DOCK5: variants seen among roughly 807,000 people sequenced by gnomAD.
DOCK5 encodes dedicator of cytokinesis 5.
In DOCK5, 142 loss-of-function variants were observed where a neutral mutation model predicts 251.8. The observed-to-expected ratio is 0.56, with a 90% CI of 0.49 to 0.65. DOCK5 has a LOEUF of 0.65. Ranked by LOEUF, DOCK5 falls within the 30% of genes least tolerant of loss-of-function variation. The pLI, the probability that DOCK5 is intolerant of heterozygous loss-of-function variation, is 0.00. For synonymous variants in DOCK5, 842 were observed against 835.5 expected (o/e 1.01, Z -0.13); for missense variants, 2,111 against 2,312.3 (o/e 0.91, Z 1.79).
chr8:25,290,378 CTG>C (rs957671196), intron 5 of DOCK5, among the ~76,000 whole-genome samples: 26 of 152,138 alleles, frequency 1.7e-4, no homozygotes, highest in African/African-American at 5.3e-4. Flanking sequence ...TTGCATTGGG[CTG>C]CATTCAAAGC....
chr8:25,348,126 T>C (rs183055318), intron 26 of DOCK5, among the ~76,000 whole-genome samples: 3 of 152,236 alleles, frequency 2.0e-5, no homozygotes, highest in Admixed American at 6.5e-5. Flanking sequence ...ACTAGTTCAA[T>C]ATCTCTTCTC....
chr8:25,302,895 G>T (rs1804803967), intron 10 of DOCK5, among the ~76,000 whole-genome samples: 1 of 152,220 alleles, frequency 6.6e-6, no homozygotes, highest in African/African-American at 2.4e-5. Flanking sequence ...AGTGGTGAGT[G>T]TCAGGGGCTG....
At chr8:25,342,608 C>A in intron 25 of DOCK5, 101 bp downstream of exon 25, 2 of 737,118 alleles carry the variant, frequency 2.7e-6, no homozygotes, top group African/African-American at 1.8e-5. Flanking sequence ...TCTCAAAAAG[C>A]TAAAACAAGC....
At chr8:25,299,318 G>A in intron 8 of DOCK5, 2 of 505,640 alleles carry the variant, frequency 4.0e-6, no homozygotes, top group East Asian at 6.8e-5. Context: ...GGGATTTAGA[G>A]ATCACATAAA....
intron 26 of DOCK5, among the ~76,000 whole-genome samples, chr8:25,346,441 T>C (rs921648861): frequency 6.6e-6 from 1 of 152,218 alleles, no homozygotes; most frequent in African/African-American, 2.4e-5. Flanking sequence ...CCATATCCTC[T>C]TGGACACTGA....
At chr8:25,361,706 T>C (rs1014480837) in intron 28 of DOCK5, among the ~76,000 whole-genome samples, 1 of 152,154 alleles carries the variant, frequency 6.6e-6, no homozygotes, top group Non-Finnish European at 1.5e-5. Context: ...AGGGTGGGTA[T>C]GTCTAACTCG....
Position 25,341,723 on chromosome 8 carries a change from G to A in DOCK5, c.2440-16G>A. 1 of 1,566,968 alleles carries A rather than the reference G, an allele frequency of 6.4e-7. No homozygotes were observed. The highest frequency in any genetic ancestry group is 8.7e-7 in the Non-Finnish European group (1 of 1,153,766). On this transcript the variant is annotated splice_polypyrimidine_tract_variant and intron_variant, in intron 23 of 51. Transcript: ENST00000276440. ...TTGCCTGGCAACTGAATTTGCCTTT[G>A]GTGTTTTTCTTACAGGGGGCAGCTT...
chr8:25,277,349 C>G (rs1465775792), intron 4 of DOCK5: 1 of 152,772 alleles, frequency 6.5e-6, no homozygotes, highest in South Asian at 1.8e-4. Flanking sequence ...ACCAAAGGGC[C>G]TTATTTTCAT....
chr8:25,396,769 T>TGTGTGTGTGTGTGTGTGG (rs1801353114), intron 45 of DOCK5, among the ~76,000 whole-genome samples: 1 of 65,018 alleles, frequency 1.5e-5, no homozygotes, highest in African/African-American at 4.8e-5. Flanking sequence ...TGTCCGTGTG[T>TGTGTGTGTGTGTGTGTGG]GTGTGTGTGT....
In DOCK5 at chr8:25,224,264, G is replaced by A. The variant is rs1037234821; in HGVS notation, c.44-19410G>A. ...TGCCCGAGTAGCTGAGACTACAGCC[G>A]GGCACCACCACACTCAGCTAATTTA... On this transcript the variant is annotated intron_variant, in intron 1 of 51. Coordinates refer to ENST00000276440, the MANE Select transcript of DOCK5 (RefSeq NM_024940.8). 2.1e-4 allele frequency among the ~76,000 whole-genome samples: 32 copies of A among 152,010 alleles called. 1 individual carries two copies. Among genetic ancestry groups the A allele is most frequent in the African/African-American group, 6.3e-4 (26 of 41,386 alleles).
chr8:25,386,103 T>C (rs1166535882), intron 40 of DOCK5, among the ~76,000 whole-genome samples: 1 of 152,020 alleles, frequency 6.6e-6, no homozygotes, highest in African/African-American at 2.4e-5. Flanking sequence ...CAAAGTTTGG[T>C]TTTGCACGTA....
rs1256317571 is a variant in DOCK5 at position 25,341,131 on chromosome 8, A to G, written c.2439+143A>G. 5.1e-6 allele frequency: 3 copies of G among 588,654 alleles called. No homozygotes were observed. In the East Asian group the frequency reaches 8.9e-5, roughly 17 times the overall value. The allele number at this position is 588,654 out of a possible 1,614,324, so 36.5% of individuals were successfully genotyped here. On this transcript the variant is annotated intron_variant, in intron 23 of 51. Coordinates refer to ENST00000276440, the MANE Select transcript of DOCK5 (RefSeq NM_024940.8). ...TATGAATTTTAGTATGATTTACAGA[A>G]AATAAAGGAAAAAAAATCCATTTTA...
At chr8:25,291,758 C>T (rs1458481989) in intron 5 of DOCK5, among the ~76,000 whole-genome samples, 6 of 145,140 alleles carry the variant, frequency 4.1e-5, no homozygotes, top group Admixed American at 2.8e-4. Flanking sequence ...GAGGCCGAGG[C>T]GGGTAGATCC....
chr8:25,253,211 C>T (rs1477066055), intron 2 of DOCK5, among the ~76,000 whole-genome samples: 2 of 152,186 alleles, frequency 1.3e-5, no homozygotes, highest in Non-Finnish European at 2.9e-5. Flanking sequence ...TGAGTGGTAC[C>T]TTCATTCAGT....
At chr8:25,294,261 G>A (rs1804564120) in intron 6 of DOCK5, among the ~76,000 whole-genome samples, 1 of 152,144 alleles carries the variant, frequency 6.6e-6, no homozygotes, top group African/African-American at 2.4e-5. Flanking sequence ...CATGGCCATT[G>A]TTCATGAGTC....
chr8:25,185,612 T>A (rs1801411989), intron 1 of DOCK5, among the ~76,000 whole-genome samples: 1 of 152,126 alleles, frequency 6.6e-6, no homozygotes, highest in Non-Finnish European at 1.5e-5. Flanking sequence ...GGAGCCTGTC[T>A]GGAGAGGGTG....
rs552457317 is a variant in DOCK5 at position 25,191,172 on chromosome 8, G to A, written c.43+6221G>A. Among the ~76,000 whole-genome samples, 59 of 152,158 alleles carry A rather than the reference G, an allele frequency of 3.9e-4. No individual in the cohort carries two copies. The South Asian group carries it at 8.1e-3, about 21-fold the overall frequency. ...TTGGAGACACGTTCAGAATGGGGGG[G>A]GTCCATGAAATTAAAACTTTCTTTT... On this transcript the variant is annotated intron_variant, in intron 1 of 51. Transcript: ENST00000276440.
intron 45 of DOCK5, among the ~76,000 whole-genome samples, chr8:25,396,264 G>A (rs886394934): frequency 1.3e-5 from 2 of 152,056 alleles, no homozygotes; most frequent in African/African-American, 4.8e-5. Flanking sequence ...CCTGTAGTCC[G>A]AGCTACTCAG....
Position 25,375,610 on chromosome 8 carries a change from C to T in DOCK5, c.3816+956C>T, listed in dbSNP as rs556729156. ...TAAGCATGTCACACCTTGAGCACTA[C>T]AGCAGCCTCCTGTTTGGTGTCTCTG... On this transcript the variant is annotated intron_variant, in intron 37 of 51. Transcript: ENST00000276440. 6.9e-5 allele frequency: 60 copies of T among 864,722 alleles called. No homozygotes were observed. The African/African-American group carries it at 1.1e-3, about 16-fold the overall frequency. The allele number at this position is 864,722 out of a possible 1,614,324, so 53.6% of individuals were successfully genotyped here. A position where few individuals can be genotyped will look rare whatever the true frequency, so the allele number is the denominator to read the frequency against.
Sources: gnomAD v4.1 joint callset for allele counts (sites outside exome capture counted in the v4.1 genomes callset) on GRCh38, gnomAD v4.1.1 for gene constraint, MANE v1.5 for transcripts, NCBI Gene and HGNC (gene_info 2026-07-23, HGNC 2026-07-21) for gene names.